Variants in CHN1 observed in about 807,000 individuals in gnomAD.
CHN1 encodes N-chimaerin.
In CHN1, 37 loss-of-function variants were observed where a neutral mutation model predicts 59.5. The ratio of observed to expected loss-of-function variants is 0.62; its 90% CI spans 0.48 to 0.82. The LOEUF (loss-of-function observed/expected upper bound fraction) is 0.82. Ranked by LOEUF, CHN1 falls within the 40% of genes least tolerant of loss-of-function variation. CHN1 has a pLI of 0.00. For missense variants in CHN1, 469 were observed against 571.0 expected (o/e 0.82, Z 1.82); for synonymous variants, 206 against 200.4 (o/e 1.03, Z -0.24).
chr2:174,938,770 G>C (rs1689574098), intron 3 of CHN1, among the ~76,000 whole-genome samples: 1 of 152,032 alleles, frequency 6.6e-6, no homozygotes, highest in Admixed American at 6.6e-5. Flanking sequence ...AGGAGAGCCA[G>C]TCACAGTAAA....
chr2:174,925,586 G>A (rs1185670339), intron 3 of CHN1, among the ~76,000 whole-genome samples: 1 of 152,242 alleles, frequency 6.6e-6, no homozygotes, highest in East Asian at 1.9e-4. Flanking sequence ...CTCTCCAAAG[G>A]CTGCTACCCA....
At chr2:174,838,131 T>A (rs1346646764) in intron 7 of CHN1, among the ~76,000 whole-genome samples, 1 of 152,154 alleles carries the variant, frequency 6.6e-6, no homozygotes, top group Non-Finnish European at 1.5e-5. Flanking sequence ...TTTGCTCTTG[T>A]TGCCCAGGCT....
intron 3 of CHN1, among the ~76,000 whole-genome samples, chr2:174,920,246 G>T (rs1046978653): frequency 1.3e-5 from 2 of 152,036 alleles, no homozygotes; most frequent in Non-Finnish European, 2.9e-5. Context: ...GAACACTTAG[G>T]TTGGTTCCAT....
intron 10 of CHN1, among the ~76,000 whole-genome samples, chr2:174,810,226 C>A (rs1203348919): frequency 6.6e-6 from 1 of 152,166 alleles, no homozygotes. Context: ...TGATCCGAGT[C>A]ACTGGTTTCC....
intron 5 of CHN1, among the ~76,000 whole-genome samples, chr2:174,881,341 T>C (rs965643054): frequency 5.9e-5 from 9 of 152,142 alleles, no homozygotes; most frequent in Non-Finnish European, 1.2e-4. Flanking sequence ...ATGTGGGTCC[T>C]ATATGTTTAA....
intron 3 of CHN1, among the ~76,000 whole-genome samples, chr2:174,937,660 G>A (rs978187961): frequency 1.3e-5 from 2 of 151,886 alleles, no homozygotes; most frequent in African/African-American, 4.8e-5. Flanking sequence ...AGCCTGGTGG[G>A]AGGTGTTTCA....
At chr2:174,853,952 G>A (rs992944143) in intron 6 of CHN1, among the ~76,000 whole-genome samples, 2 of 152,116 alleles carry the variant, frequency 1.3e-5, no homozygotes, top group Non-Finnish European at 2.9e-5. Flanking sequence ...AAGGGAGAGG[G>A]TGGGATGCAT....
At chr2:174,921,111 G>A in intron 3 of CHN1, 1 of 348,168 alleles carries the variant, frequency 2.9e-6, no homozygotes, top group South Asian at 2.3e-5. Flanking sequence ...AAGCTTCGCT[G>A]GCTCACCTAC....
At chr2:174,811,295 C>A (rs1230750321) in intron 10 of CHN1, 3 of 467,662 alleles carry the variant, frequency 6.4e-6, no homozygotes, top group Non-Finnish European at 3.8e-6. Flanking sequence ...ATATTGGTAA[C>A]ATAGTTTAAT....
chr2:174,944,125 T>A (rs1689756144), intron 3 of CHN1, among the ~76,000 whole-genome samples: 1 of 152,232 alleles, frequency 6.6e-6, no homozygotes, highest in South Asian at 2.1e-4. Flanking sequence ...ACATTTAGGT[T>A]TTTTTCTGCT....
intron 3 of CHN1, among the ~76,000 whole-genome samples, 169 bp from the exon 4 acceptor site, chr2:174,918,734 G>C (rs1412442041): frequency 6.6e-6 from 1 of 152,142 alleles, no homozygotes. Flanking sequence ...ATTTGGACTG[G>C]TCACTTCATC....
rs1039375999 is a variant in CHN1, at chr2:174,990,266, A to T, written c.19+14628T>A. 2.8e-3 allele frequency among the ~76,000 whole-genome samples: 230 copies of T among 82,814 alleles called. 1 individual carries two copies. The Middle Eastern group carries it at 0.036, about 13-fold the overall frequency. The allele number at this position is 82,814 out of a possible 152,430, so 54.3% of individuals were successfully genotyped here. ...GTGTGTGTGTGTGTGTGTGTGTGAG[A>T]GAGAGAGAGAGAGAGAGAGAGCGCG... On this transcript the variant is annotated intron_variant, in intron 1 of 12. Coordinates refer to ENST00000409900, the MANE Select transcript of CHN1 (RefSeq NM_001822.7).
chr2:174,858,121 T>C (rs1180248392), intron 6 of CHN1, among the ~76,000 whole-genome samples: 2 of 152,154 alleles, frequency 1.3e-5, no homozygotes, highest in African/African-American at 4.8e-5. Flanking sequence ...ATTTTTAGTT[T>C]TCTCATTCCT....
chr2:174,912,872 T>C (rs1181766480), intron 5 of CHN1, among the ~76,000 whole-genome samples: 2 of 152,326 alleles, frequency 1.3e-5, no homozygotes, highest in East Asian at 3.9e-4. Context: ...CTTTTCCAAG[T>C]AATGATTTTA....
At chr2:174,808,338 C>T (rs372817535) in intron 11 of CHN1, among the ~76,000 whole-genome samples, 1 of 152,224 alleles carries the variant, frequency 6.6e-6, no homozygotes. Flanking sequence ...GGCTGGAATG[C>T]AATGGCACAA....
At chr2:174,929,236 A>G (rs929799203) in intron 3 of CHN1, among the ~76,000 whole-genome samples, 30 of 152,208 alleles carry the variant, frequency 2.0e-4, no homozygotes, top group African/African-American at 7.2e-4. Flanking sequence ...CTAATTCAAT[A>G]AAGAATATTT....
At chr2:174,951,318 C>T (rs1307540088) in intron 2 of CHN1, among the ~76,000 whole-genome samples, 1 of 152,082 alleles carries the variant, frequency 6.6e-6, no homozygotes, top group Non-Finnish European at 1.5e-5. Context: ...GTTCTGAGAA[C>T]ATAAGACCAA....
At chr2:174,949,775 T>A (rs1168806452) in intron 2 of CHN1, among the ~76,000 whole-genome samples, 1 of 152,252 alleles carries the variant, frequency 6.6e-6, no homozygotes, top group Non-Finnish European at 1.5e-5. Flanking sequence ...CCACTTGCTT[T>A]TAACATAGTT....
chr2:174,920,712 T>A (rs748614588), intron 3 of CHN1, among the ~76,000 whole-genome samples: 2 of 152,196 alleles, frequency 1.3e-5, no homozygotes, highest in African/African-American at 2.4e-5. Context: ...ATAGCGGTGA[T>A]CCCCAACATT....
Sources: allele counts gnomAD v4.1 joint callset (sites outside exome capture counted in the v4.1 genomes callset), GRCh38; gene constraint gnomAD v4.1.1; transcripts MANE v1.5; gene names NCBI Gene and HGNC (gene_info 2026-07-23, HGNC 2026-07-21).